The following ANAPC4 variants were observed in gnomAD, a reference collection of about 807,000 sequenced individuals.
ANAPC4 encodes the protein anaphase-promoting complex subunit 4.
A neutral mutation model predicts 119.8 loss-of-function variants in ANAPC4; 63 were observed. That is an observed-to-expected ratio of 0.53 (90% CI 0.43 to 0.65). ANAPC4 has a LOEUF of 0.65. Among genes scored for constraint, ANAPC4 ranks in the 30% least tolerant of loss-of-function variants. The pLI is 0.00. For missense variants in ANAPC4, 716 were observed against 945.1 expected (o/e 0.76, Z 3.18); for synonymous variants, 283 against 318.6 (o/e 0.89, Z 1.19).
chr4:25,388,403 G>GA, intron 4 of ANAPC4, 97 bp from the exon 5 acceptor site: 1 of 802,070 alleles, frequency 1.2e-6, no homozygotes, highest in South Asian at 1.7e-5. Flanking sequence ...TGATAATGTT[G>GA]TAAAACTGGG....
chr4:25,415,800 A>G (rs1215796207), intron 26 of ANAPC4: 3 of 330,858 alleles, frequency 9.1e-6, no homozygotes, highest in African/African-American at 6.4e-5. Context: ...CAAAGAAAGT[A>G]ATGTGGTTCC....
chr4:25,414,152 T>G, intron 22 of ANAPC4, 172 bp from the exon 23 acceptor site: 2 of 533,826 alleles, frequency 3.7e-6, no homozygotes, highest in Non-Finnish European at 6.4e-6. Context: ...CAGCTCAGAA[T>G]TTTCTCTTTT....
At chr4:25,398,367 G>C (rs1488870592) in intron 16 of ANAPC4, among the ~76,000 whole-genome samples, 2 of 152,188 alleles carry the variant, frequency 1.3e-5, no homozygotes, top group African/African-American at 2.4e-5. Flanking sequence ...GCCTCACTGA[G>C]AAGGTGAAGT....
intron 4 of ANAPC4, among the ~76,000 whole-genome samples, chr4:25,387,593 A>T (rs1051390490): frequency 3.3e-5 from 5 of 152,230 alleles, no homozygotes; most frequent in Admixed American, 3.3e-4. Flanking sequence ...CTTTCTACTA[A>T]CAGTTTAGAA....
intron 22 of ANAPC4, 66 bp from the exon 23 acceptor site, chr4:25,414,258 C>G (rs3816585): frequency 0.041 from 48,253 of 1,169,786 alleles, 1,226 homozygotes; most frequent in South Asian, 0.08. Context: ...TGGTCAGTCA[C>G]TTTCTGTAGA....
intron 9 of ANAPC4, among the ~76,000 whole-genome samples, chr4:25,391,379 T>G (rs1722336015): frequency 6.6e-6 from 1 of 152,232 alleles, no homozygotes; most frequent in Non-Finnish European, 1.5e-5. Context: ...TCAGAACAGT[T>G]GATTTGAATC....
intron 21 of ANAPC4, 129 bp from the exon 22 acceptor site, chr4:25,413,516 G>T: frequency 2.2e-4 from 127 of 564,666 alleles, no homozygotes; most frequent in East Asian, 3.4e-4. Context: ...AAAATCCAAT[G>T]AAGTGGTCAG....
chr4:25,382,805 T>G (rs1553902280), intron 3 of ANAPC4, among the ~76,000 whole-genome samples: 1 of 152,146 alleles, frequency 6.6e-6, no homozygotes, highest in Non-Finnish European at 1.5e-5. Context: ...AAAGGAAGAT[T>G]TATGTGTGTT....
intron 16 of ANAPC4, among the ~76,000 whole-genome samples, chr4:25,397,327 G>T (rs956280815): frequency 3.3e-5 from 5 of 152,020 alleles, no homozygotes; most frequent in African/African-American, 9.7e-5. Flanking sequence ...CCCTTCTGAA[G>T]GGTGGTGTAG....
intron 16 of ANAPC4, among the ~76,000 whole-genome samples, chr4:25,402,343 G>C (rs368794643): frequency 6.6e-6 from 1 of 152,168 alleles, no homozygotes; most frequent in East Asian, 1.9e-4. Context: ...TAAAGAGATT[G>C]TTTAAAAAGT....
chr4:25,380,385 T>G lies in ANAPC4; in HGVS notation c.141T>G (p.His47Gln), dbSNP rs754670587. Residue 47 changes from histidine to glutamine, a missense_variant, in exon 3 of 29, where the codon CAT becomes CAG. His to Gln is a conservative substitution (Grantham distance 24, BLOSUM62 0). This residue lies in a region of ANAPC4 where 202 missense variants were observed against 293.5 expected (regional missense o/e 0.69). Coordinates refer to ENST00000315368, the MANE Select transcript of ANAPC4 (RefSeq NM_013367.3). ...LANTAGEVLL[H>Q]RLASFHRVWS... ...CTGCTTTGTCTTAGGTTTTACTTCA[T>G]CGACTGGCAAGTTTTCATCGAGTTT... 6 of 1,612,566 alleles carry G rather than the reference T, an allele frequency of 3.7e-6. No individual in the cohort carries two copies. Among genetic ancestry groups the G allele is most frequent in the Non-Finnish European group, 5.1e-6 (6 of 1,179,190 alleles).
chr4:25,417,598 G>T lies in ANAPC4; in HGVS notation c.2076-18G>T, dbSNP rs1032369702. The T allele has an allele frequency of 4.5e-6, 7 of 1,567,774 alleles. No homozygotes were observed. The highest frequency in any genetic ancestry group is 3.9e-5 in the Admixed American group (2 of 51,282). ...AGATCCCCTTTTCATTCCTGAGTTG[G>T]TTTTTTTCCCTCTTTAGGCTAGATG... On this transcript the variant is annotated intron_variant, in intron 27 of 28. Coordinates refer to ENST00000315368, the MANE Select transcript of ANAPC4 (RefSeq NM_013367.3).
rs1223352074 is a variant in ANAPC4, at chr4:25,417,684, A to G, written c.2144A>G (p.Glu715Gly). Residue 715 changes from glutamate to glycine, a missense_variant, in exon 28 of 29, where the codon GAA (glutamate) becomes GGA (glycine). Physicochemically the swap from Glu to Gly is moderately conservative, Grantham distance 98 (BLOSUM62 -2). Transcript: ENST00000315368. ...TTTGAGAAGCACTGGAGATTACTGG[A>G]AAGTATGAAAGCACAGTATGTTGCT... ...MHFEKHWRLL[E>G]SMKAQYVAGN... The G allele has an allele frequency of 6.2e-7, 1 of 1,613,746 alleles. No homozygotes were observed. Among genetic ancestry groups the G allele is most frequent in the South Asian group, 1.1e-5 (1 of 91,048 alleles).
intron 21 of ANAPC4, among the ~76,000 whole-genome samples, chr4:25,411,968 C>T (rs536777030): frequency 6.6e-4 from 101 of 152,130 alleles, no homozygotes; most frequent in Non-Finnish European, 1.0e-3. Context: ...ACTGCCCTCG[C>T]GTCAAATGTC....
At chr4:25,403,156 G>T in intron 17 of ANAPC4, 130 bp downstream of exon 17, 1 of 613,660 alleles carries the variant, frequency 1.6e-6, no homozygotes. Context: ...GATCCCTGTT[G>T]TACCTTTCAC....
At chr4:25,413,398 G>C in intron 21 of ANAPC4, 1 of 351,224 alleles carries the variant, frequency 2.8e-6, no homozygotes, top group Middle Eastern at 7.7e-4. Flanking sequence ...ACCTACAGTT[G>C]GATTTTGGTG....
At chr4:25,414,844 A>G (rs985275715) in intron 25 of ANAPC4, 144 bp downstream of exon 25, 27 of 777,384 alleles carry the variant, frequency 3.5e-5, no homozygotes, top group Non-Finnish European at 4.6e-5. Flanking sequence ...TCATGTCATT[A>G]AAAGGGTAAC....
intron 4 of ANAPC4, among the ~76,000 whole-genome samples, chr4:25,386,858 T>A (rs1722064273): frequency 6.6e-6 from 1 of 151,978 alleles, no homozygotes; most frequent in Non-Finnish European, 1.5e-5. Flanking sequence ...TAGCTAAGAG[T>A]TTTCTCCTCT....
At chr4:25,404,725 T>C (rs1274611168) in intron 17 of ANAPC4, among the ~76,000 whole-genome samples, 1 of 152,114 alleles carries the variant, frequency 6.6e-6, no homozygotes, top group Non-Finnish European at 1.5e-5. Context: ...ATCCTGGCTC[T>C]GTCCCCAGTA....
Sources: gnomAD v4.1 joint callset for allele counts (sites outside exome capture counted in the v4.1 genomes callset) on GRCh38, gnomAD v4.1.1 for gene constraint, gnomAD v4.1.1 regional missense constraint, MANE v1.5 for transcripts, NCBI Gene and HGNC (gene_info 2026-07-23, HGNC 2026-07-21) for gene names.